Variants in PCDHGA8 observed in about 807,000 individuals in gnomAD.
PCDHGA8 encodes protocadherin gamma-A8.
In PCDHGA8, 45 loss-of-function variants were observed where a neutral mutation model predicts 59.2. The observed-to-expected ratio is 0.76, with a 90% confidence interval of 0.60 to 0.98. The LOEUF is 0.98. Ranked by LOEUF, PCDHGA8 falls within the 50% of genes least tolerant of loss-of-function variation. The probability of loss-of-function intolerance (pLI) is 0.00; values close to 1 mark genes in which losing one functional copy is unlikely to be tolerated. For synonymous variants in PCDHGA8, 531 were observed against 519.0 expected, an observed-to-expected ratio of 1.02 and a Z score of -0.32; for missense variants, 1,257 against 1,196.2, an observed-to-expected ratio of 1.05 and a Z score of -0.75.
At position 141,431,639 on chromosome 5, in the gene PCDHGA8, C is replaced by T; in HGVS notation, c.2424+36402C>T. 1 of 1,614,262 alleles carries T rather than the reference C, an allele frequency of 6.2e-7. No homozygotes were observed. The highest frequency in any genetic ancestry group is 8.5e-7 in the Non-Finnish European group (1 of 1,180,046). On this transcript the variant is annotated intron_variant, in intron 1 of 3. Transcript: ENST00000398604. This position sits in a 1 kb window ranked among gnomAD's most constrained non-coding sequence, Gnocchi z 4.8. Reference sequence around the variant, plus strand: ...CGACAAGGCGGCCCAAGTTTTCAAACTAGATTGTAATTCAGGGACAATATC... The same window carrying T: ...CGACAAGGCGGCCCAAGTTTTCAAATTAGATTGTAATTCAGGGACAATATC...
Position 141,413,166 on chromosome 5 carries a change from C to T in PCDHGA8, c.2424+17929C>T, listed in dbSNP as rs758193163. ...GTGAGGACTTTGCAGAATTCTGTAA[C>T]CAGACTACAATGGCCGCTCAAAGGA... On this transcript the variant is annotated intron_variant, in intron 1 of 3. Transcript: ENST00000398604. 5 of 1,590,278 alleles carry T rather than the reference C, an allele frequency of 3.1e-6. No individual in the cohort carries two copies. The East Asian group carries it at 1.1e-4, about 36-fold the overall frequency.
chr5:141,506,372 C>A (rs1243713695), intron 3 of PCDHGA8, among the ~76,000 whole-genome samples: 1 of 151,402 alleles, frequency 6.6e-6, no homozygotes, highest in Non-Finnish European at 1.5e-5. Context: ...TCGCTTGAAC[C>A]TGGGAGGTGG....
At chr5:141,408,605 A>G (rs1374368607) in intron 1 of PCDHGA8, 1 of 1,614,060 alleles carries the variant, frequency 6.2e-7, no homozygotes, top group South Asian at 1.1e-5. Flanking sequence ...TCAATTTGAT[A>G]AAAAGGAAAT....
intron 1 of PCDHGA8, among the ~76,000 whole-genome samples, chr5:141,397,268 T>C (rs532503951): frequency 2.0e-5 from 3 of 152,180 alleles, no homozygotes; most frequent in African/African-American, 7.2e-5. Flanking sequence ...CTTAGCTACA[T>C]CATATGGGCA....
rs1014126865 is a variant in PCDHGA8 at position 141,393,977 on chromosome 5, T to C, written c.1164T>C (p.Asp388=). Residue 388 remains aspartate (D), a synonymous_variant, in exon 1 of 4, where the codon GAT becomes GAC. Transcript: ENST00000398604. ...KNGQVVCYTR[D]NLPFKLEKSI... ...GTCAAGTTGTCTGTTACACACGTGA[T>C]AATTTACCTTTTAAATTAGAAAAGT... The C allele has an allele frequency of 1.9e-6, 3 of 1,613,870 alleles. No homozygotes were observed. The highest frequency in any genetic ancestry group is 2.5e-6 in the Non-Finnish European group (3 of 1,179,838).
intron 1 of PCDHGA8, among the ~76,000 whole-genome samples, chr5:141,454,924 C>T (rs1252057038): frequency 6.7e-6 from 1 of 149,858 alleles, no homozygotes; most frequent in Non-Finnish European, 1.5e-5. Context: ...TCTCCTGCCT[C>T]AGCCTCCCGA....
intron 3 of PCDHGA8, 31 bp downstream of exon 3, chr5:141,505,512 T>C (rs754223095): frequency 6.2e-7 from 1 of 1,613,676 alleles, no homozygotes; most frequent in South Asian, 1.1e-5. Context: ...TATGGAAGAG[T>C]GGGAGACCTG....
Position 141,510,956 on chromosome 5 carries a change from A to T in PCDHGA8, c.2582A>T (p.Asp861Val). 1 of 1,614,104 alleles carries T rather than the reference A, an allele frequency of 6.2e-7. No homozygotes were observed. The highest frequency in any genetic ancestry group is 8.5e-7 in the Non-Finnish European group (1 of 1,179,996). The change falls in exon 4 of 4, where the codon GAT becomes GTT. Residue 861 changes from aspartate to valine, a missense_variant. Asp to Val is a radical substitution (Grantham distance 152). Transcript: ENST00000398604. ...MILASASEAA[D>V]GSSTLGGGAG... ...TCCTCTGTCTCTGCAGAAGCTGCTG[A>T]TGGGAGCTCCACCCTGGGAGGGGGT...
Position 141,485,181 on chromosome 5 carries a change from G to C in PCDHGA8, c.2425-9626G>C. 1 of 1,612,942 alleles carries C rather than the reference G, an allele frequency of 6.2e-7. No individual in the cohort carries two copies. Among genetic ancestry groups the C allele is most frequent in the East Asian group, 2.2e-5 (1 of 44,868 alleles). On this transcript the variant is annotated intron_variant, in intron 1 of 3. Transcript: ENST00000398604. This position sits in a 1 kb window ranked among gnomAD's most constrained non-coding sequence, Gnocchi z 5.7. ...AATTAGCGGGCGGCAGCAATGCTCC[G>C]CAAGGTGAGAAGCTGGACAGAAATC...
intron 1 of PCDHGA8, chr5:141,422,116 T>A (rs753281558): frequency 2.5e-6 from 4 of 1,604,730 alleles, no homozygotes; most frequent in Non-Finnish European, 3.4e-6. Context: ...CCAATTGGAT[T>A]CACAAACTGG....
chr5:141,486,421 G>A lies in PCDHGA8; in HGVS notation c.2425-8386G>A, dbSNP rs772631503. ...TGACTGCTGGACCCTTGGATCGAGA[G>A]GCCAAATCTAGCTATGACATCATGG... On this transcript the variant is annotated intron_variant, in intron 1 of 3. Coordinates refer to ENST00000398604, the MANE Select transcript of PCDHGA8 (RefSeq NM_032088.2). This position sits in a 1 kb window ranked among gnomAD's most constrained non-coding sequence, Gnocchi z 5.0. 2.5e-6 allele frequency: 4 copies of A among 1,614,152 alleles called. No homozygotes were observed. In the East Asian group the frequency reaches 6.7e-5, roughly 27 times the overall value.
intron 1 of PCDHGA8, among the ~76,000 whole-genome samples, chr5:141,454,628 A>C (rs1008375225): frequency 1.3e-4 from 19 of 151,334 alleles, no homozygotes; most frequent in African/African-American, 4.4e-4. Context: ...CTGGTCTCGA[A>C]CCCCCAACCT....
At chr5:141,413,086 A>T in intron 1 of PCDHGA8, 1 of 1,344,152 alleles carries the variant, frequency 7.4e-7, no homozygotes, top group Non-Finnish European at 1.0e-6. Flanking sequence ...GGCTACAGAG[A>T]CACCCTGAAG....
chr5:141,473,479 G>GA (rs150184379), intron 1 of PCDHGA8, among the ~76,000 whole-genome samples: 6,877 of 152,218 alleles, frequency 0.045, 184 homozygotes, highest in Middle Eastern at 0.088. Flanking sequence ...AAGTTCAATG[G>GA]AAAAAATATA....
intron 1 of PCDHGA8, chr5:141,420,342 T>C: frequency 7.2e-7 from 1 of 1,388,390 alleles, no homozygotes; most frequent in Non-Finnish European, 9.6e-7. Flanking sequence ...AATATAGTGG[T>C]ATTATTTTAA....
intron 1 of PCDHGA8, among the ~76,000 whole-genome samples, chr5:141,444,315 G>A (rs2098431855): frequency 6.6e-6 from 1 of 151,946 alleles, no homozygotes; most frequent in South Asian, 2.1e-4. Flanking sequence ...AGGATTACAG[G>A]CATGTGCCAC....
In PCDHGA8 at chr5:141,404,353, A is replaced by G. The variant is rs778714799; in HGVS notation, c.2424+9116A>G. ...TCTACCTCCCGGAAAACAACGCCAGAGGTACTTCCATCTTCTCCGTGATTG... is the reference window on the plus strand; with the variant it reads ...TCTACCTCCCGGAAAACAACGCCAGGGGTACTTCCATCTTCTCCGTGATTG... On this transcript the variant is annotated intron_variant, in intron 1 of 3. Coordinates refer to ENST00000398604, the MANE Select transcript of PCDHGA8 (RefSeq NM_032088.2). 2.0e-5 allele frequency: 33 copies of G among 1,613,948 alleles called. No individual in the cohort carries two copies. In the Admixed American group the frequency reaches 5.5e-4, roughly 27 times the overall value.
chr5:141,446,266 A>C (rs1268290014), intron 1 of PCDHGA8, among the ~76,000 whole-genome samples: 1 of 152,174 alleles, frequency 6.6e-6, no homozygotes, highest in African/African-American at 2.4e-5. Context: ...TTATTAACTG[A>C]ATAAATACAA....
At position 141,403,235 on chromosome 5, in the gene PCDHGA8, C is replaced by T. The variant is rs757212212; in HGVS notation, c.2424+7998C>T. The T allele has an allele frequency of 2.9e-5, 47 of 1,613,842 alleles. No individual in the cohort carries two copies. In the Admixed American group the frequency reaches 7.7e-4, roughly 26 times the overall value. ...CGCGGGTAGGATAGACCGGGAGGAGCTCTGTGCTCAGAGCCCGCGGTGTCT... is the reference window on the plus strand; with the variant it reads ...CGCGGGTAGGATAGACCGGGAGGAGTTCTGTGCTCAGAGCCCGCGGTGTCT... On this transcript the variant is annotated intron_variant, in intron 1 of 3. Transcript: ENST00000398604.
Sources: gnomAD v4.1 joint callset for allele counts (sites outside exome capture counted in the v4.1 genomes callset) on GRCh38, gnomAD v4.1.1 for gene constraint, Gnocchi (gnomAD v3.1) non-coding constraint, MANE v1.5 for transcripts, NCBI Gene and HGNC (gene_info 2026-07-23, HGNC 2026-07-21) for gene names.